ZNF208: variants seen among roughly 807,000 people sequenced by gnomAD.
ZNF208 encodes the protein zinc finger protein 208.
A neutral mutation model predicts 12.1 loss-of-function variants in ZNF208; 10 were observed. The ratio of observed to expected loss-of-function variants is 0.83; its 90% CI spans 0.51 to 1.40. The LOEUF is 1.40. ZNF208 is among the 40% of genes most tolerant of loss of function. The pLI is 0.00. For synonymous variants in ZNF208, 497 were observed against 488.4 expected, an observed-to-expected ratio of 1.02 and a Z score of -0.23; for missense variants, 1,652 against 1,485.0, an observed-to-expected ratio of 1.11 and a Z score of -1.85.
At chr19:21,980,261 A>T (rs1970511723) in intron 3 of ZNF208, among the ~76,000 whole-genome samples, 1 of 150,308 alleles carries the variant, frequency 6.7e-6, no homozygotes, top group Non-Finnish European at 1.5e-5. Context: ...CCACAAATCA[A>T]CAGAATATAC....
At chr19:21,996,993 C>T (rs1438824539) in intron 1 of ZNF208, among the ~76,000 whole-genome samples, 1 of 152,056 alleles carries the variant, frequency 6.6e-6, no homozygotes, top group Non-Finnish European at 1.5e-5. Flanking sequence ...GGAAAAGGCC[C>T]ATCTAGAGTA....
intron 1 of ZNF208, among the ~76,000 whole-genome samples, chr19:22,004,717 A>G (rs1971016372): frequency 6.6e-6 from 1 of 152,198 alleles, no homozygotes; most frequent in South Asian, 2.1e-4. Context: ...CTAAATAAGA[A>G]CACATGAACA....
intron 4 of ZNF208, among the ~76,000 whole-genome samples, chr19:21,956,134 G>A (rs541254990): frequency 7.1e-4 from 108 of 152,316 alleles, no homozygotes; most frequent in Admixed American, 3.7e-3. Flanking sequence ...TATCACCAGC[G>A]GAGGCTGCAG....
chr19:22,008,502 C>G (rs1479876648), intron 1 of ZNF208, among the ~76,000 whole-genome samples: 1 of 151,908 alleles, frequency 6.6e-6, no homozygotes, highest in Admixed American at 6.6e-5. Context: ...CCAGTGAGTG[C>G]CCCAGGTACA....
intron 4 of ZNF208, among the ~76,000 whole-genome samples, chr19:21,959,623 G>T (rs1392317038): frequency 6.6e-6 from 1 of 152,158 alleles, no homozygotes; most frequent in Non-Finnish European, 1.5e-5. Flanking sequence ...TAAAGTGACT[G>T]CGGATTAAGC....
intron 4 of ZNF208, among the ~76,000 whole-genome samples, chr19:21,960,875 G>A (rs1473181767): frequency 1.3e-5 from 2 of 152,170 alleles, no homozygotes; most frequent in Admixed American, 6.6e-5. Context: ...TCTATGGACA[G>A]TTTTAAACAC....
chr19:21,993,014 C>T (rs1288841255), intron 1 of ZNF208, among the ~76,000 whole-genome samples: 1 of 152,142 alleles, frequency 6.6e-6, no homozygotes, highest in Non-Finnish European at 1.5e-5. Flanking sequence ...CAAATTACAC[C>T]TGCATCTTGA....
At chr19:21,992,526 T>C (rs1242272378) in intron 1 of ZNF208, among the ~76,000 whole-genome samples, 1 of 152,230 alleles carries the variant, frequency 6.6e-6, no homozygotes, top group Non-Finnish European at 1.5e-5. Flanking sequence ...AGTGTTTTCT[T>C]ATCCTGTACT....
chr19:21,941,217 C>T (rs1021167249), intron 4 of ZNF208: 9 of 397,554 alleles, frequency 2.3e-5, no homozygotes, highest in Non-Finnish European at 4.0e-5. Flanking sequence ...AGTGGAGCAG[C>T]AAAGCAAACA....
intron 4 of ZNF208, among the ~76,000 whole-genome samples, chr19:21,958,292 T>G (rs1599605083): frequency 6.6e-6 from 1 of 152,300 alleles, no homozygotes; most frequent in East Asian, 1.9e-4. Context: ...CTACCCGGCT[T>G]ATTCCTGTAA....
rs1483399426 is a variant in ZNF208, at chr19:21,972,871, G to A, written c.2163C>T (p.Tyr721=). 2.5e-6 allele frequency: 4 copies of A among 1,613,174 alleles called. No homozygotes were observed. The highest frequency in any genetic ancestry group is 3.4e-6 in the Non-Finnish European group (4 of 1,179,882). ...AGCTTTTGCCACATTCTTCACATTTGTAGGGTTTCTCTCCAGTATGAATTC... is the reference window on the plus strand; with the variant it reads ...AGCTTTTGCCACATTCTTCACATTTATAGGGTTTCTCTCCAGTATGAATTC... ...HKRIHTGEKP[Y]KCEECGKSFS... The change falls in exon 4 of 4, where the codon TAC becomes TAT. Residue 721 remains tyrosine (Y), a synonymous_variant. Coordinates refer to ENST00000397126, the MANE Select transcript of ZNF208 (RefSeq NM_007153.3).
chr19:22,000,719 C>A (rs1384608843), intron 1 of ZNF208, among the ~76,000 whole-genome samples: 1 of 151,828 alleles, frequency 6.6e-6, no homozygotes, highest in Non-Finnish European at 1.5e-5. Flanking sequence ...CAGATCTGAA[C>A]TGAAGGAGAT....
intron 4 of ZNF208, among the ~76,000 whole-genome samples, chr19:21,956,875 C>T (rs180697713): frequency 3.0e-4 from 45 of 152,270 alleles, no homozygotes; most frequent in Admixed American, 7.9e-4. Context: ...AACCCAGTAC[C>T]TCAGTTGAAA....
At chr19:22,004,375 G>A (rs953889976) in intron 1 of ZNF208, among the ~76,000 whole-genome samples, 7 of 151,862 alleles carry the variant, frequency 4.6e-5, no homozygotes, top group Admixed American at 1.3e-4. Context: ...AATTAGCTGA[G>A]TATGGTGGCA....
At chr19:21,945,842 T>C (rs1969807793) in intron 4 of ZNF208, among the ~76,000 whole-genome samples, 1 of 151,868 alleles carries the variant, frequency 6.6e-6, no homozygotes, top group Non-Finnish European at 1.5e-5. Flanking sequence ...AAGGCAAGGG[T>C]TTATGGAGAG....
intron 4 of ZNF208, among the ~76,000 whole-genome samples, chr19:21,952,264 A>G (rs568430225): frequency 6.6e-6 from 1 of 152,336 alleles, no homozygotes; most frequent in South Asian, 2.1e-4. Context: ...GCAGATTTAT[A>G]TGTTCCTGTC....
At position 21,966,278 on chromosome 19, in the gene ZNF208, A is replaced by C. The variant is rs868213753; in HGVS notation, c.*4913T>G. On this transcript the variant is annotated 3_prime_UTR_variant, in exon 4 of 4. Coordinates refer to ENST00000397126, the MANE Select transcript of ZNF208 (RefSeq NM_007153.3). ...CCCATCCTTCCTCCTTCTTTTTAGA[A>C]TTCTCAGTGTTTATTGTTTTCATCT... 3 of 151,990 alleles carry C rather than the reference A, an allele frequency of 2.0e-5. 1 individual carries two copies. In the South Asian group the frequency reaches 6.2e-4, roughly 32 times the overall value. 9.4% of individuals were successfully genotyped at this position (151,990 alleles called of 1,614,324 possible). A position where few individuals can be genotyped will look rare whatever the true frequency, so the allele number is the denominator to read the frequency against.
Position 22,001,266 on chromosome 19 carries a change from C to T in ZNF208, c.3+9526G>A, listed in dbSNP as rs1392326807. Among the ~76,000 whole-genome samples, 6 of 150,272 alleles carry T rather than the reference C, an allele frequency of 4.0e-5. No individual in the cohort carries two copies. The Admixed American group carries it at 4.0e-4, about 10-fold the overall frequency. The stretch of plus-strand genomic sequence containing the variant: ...AGCCATTGCACTCCAGCCTAGGCAA[C>T]AAGAGCGAAACTCCATCTCAAAACA... On this transcript the variant is annotated intron_variant, in intron 1 of 3. Coordinates refer to ENST00000397126, the MANE Select transcript of ZNF208 (RefSeq NM_007153.3).
rs1421754515 is a variant in ZNF208 at position 21,968,176 on chromosome 19, T to A, written c.*3015A>T. The stretch of plus-strand genomic sequence containing the variant: ...GTATTCTAGGTGGACAATTCTTTCA[T>A]CAGTAAAGATAATTTGACTTTCTTT... On this transcript the variant is annotated 3_prime_UTR_variant, in exon 4 of 4. Transcript: ENST00000397126. 6.6e-6 allele frequency: 1 copy of A among 152,178 alleles called. No individual in the cohort carries two copies. Among genetic ancestry groups the A allele is most frequent in the Non-Finnish European group, 1.5e-5 (1 of 68,012 alleles). The allele number at this position is 152,178 out of a possible 1,614,324, so 9.4% of individuals were successfully genotyped here. A position where few individuals can be genotyped will look rare whatever the true frequency, so the allele number is the denominator to read the frequency against.
Sources: allele counts gnomAD v4.1 joint callset (sites outside exome capture counted in the v4.1 genomes callset), GRCh38; gene constraint gnomAD v4.1.1; transcripts MANE v1.5; gene names NCBI Gene and HGNC (gene_info 2026-07-23, HGNC 2026-07-21).